The following TSPEAR variants were observed in gnomAD, a reference collection of about 807,000 sequenced individuals.
TSPEAR encodes thrombospondin type laminin G domain and EAR repeats, also known as thrombospondin-type laminin G domain and EAR repeat-containing protein.
In TSPEAR, 69 loss-of-function variants were observed where a neutral mutation model predicts 71.6. The ratio of observed to expected loss-of-function variants is 0.96; its 90% CI spans 0.79 to 1.18. TSPEAR has a LOEUF of 1.18. Among genes scored for constraint, TSPEAR ranks in the 50% most tolerant of loss-of-function variants. The pLI is 0.00. For synonymous variants in TSPEAR, 402 were observed against 387.2 expected (o/e 1.04, Z -0.45); for missense variants, 971 against 894.9 (o/e 1.09, Z -1.09).
Position 44,533,796 on chromosome 21 carries a change from C to A in TSPEAR, c.431G>T (p.Arg144Leu), listed in dbSNP as rs782321685. The A allele has an allele frequency of 6.2e-7, 1 of 1,612,456 alleles. No individual in the cohort carries two copies. The change falls in exon 3 of 12, where the codon CGA becomes CTA. Residue 144 changes from arginine to leucine, a missense_variant. Coordinates refer to ENST00000323084, the MANE Select transcript of TSPEAR (RefSeq NM_144991.3). ...CAGGGCCGGGCTGCGGAAGGACACT[C>A]GGGTCTGCCAGGCGCCGGCCGTGTC... ...REDTAGAWQT[R>L]VSFRSPALVD...
At chr21:44,569,861 G>C (rs1402115477) in intron 1 of TSPEAR, among the ~76,000 whole-genome samples, 2 of 152,092 alleles carry the variant, frequency 1.3e-5, no homozygotes, top group Non-Finnish European at 2.9e-5. Flanking sequence ...ATCTTGGTGT[G>C]GGGGGATTCT....
chr21:44,692,613 G>A (rs1987166501), intron 1 of TSPEAR, among the ~76,000 whole-genome samples: 1 of 152,044 alleles, frequency 6.6e-6, no homozygotes, highest in South Asian at 2.1e-4. Flanking sequence ...CATTTCAATG[G>A]CATCCAAAAG....
At chr21:44,514,510 C>T (rs2052496930) in intron 9 of TSPEAR, among the ~76,000 whole-genome samples, 1 of 152,168 alleles carries the variant, frequency 6.6e-6, no homozygotes, top group African/African-American at 2.4e-5. Context: ...TTGTGAGGAC[C>T]CCACATGCCG....
At chr21:44,551,566 T>TAG in intron 2 of TSPEAR, 2 of 1,453,772 alleles carry the variant, frequency 1.4e-6, no homozygotes, top group South Asian at 2.7e-5. Context: ...GGGGCTTTTA[T>TAG]ATGCCCAGGG....
At chr21:44,645,428 C>T (rs1984263969) in intron 1 of TSPEAR, among the ~76,000 whole-genome samples, 1 of 150,818 alleles carries the variant, frequency 6.6e-6, no homozygotes, top group Non-Finnish European at 1.5e-5. Flanking sequence ...GCAATCTCAG[C>T]TCACTGCAAC....
At chr21:44,518,665 G>C (rs946321650) in intron 9 of TSPEAR, 1 of 470,400 alleles carries the variant, frequency 2.1e-6, no homozygotes, top group Non-Finnish European at 4.4e-6. Flanking sequence ...CTGGAGGCCC[G>C]CCCCCTGCCC....
Position 44,646,654 on chromosome 21 carries a change from G to A in TSPEAR, c.82+64779C>T, listed in dbSNP as rs368146868. ...CTGCCAGGCGGCCTGTGAGCCCAGC[G>A]CCTGCCAATCAGGCTGCACCAGCTC... On this transcript the variant is annotated intron_variant, in intron 1 of 11. Coordinates refer to ENST00000323084, the MANE Select transcript of TSPEAR (RefSeq NM_144991.3). The A allele has an allele frequency of 1.2e-5, 19 of 1,613,510 alleles. No homozygotes were observed. In the Middle Eastern group the frequency reaches 5.2e-4, roughly 44 times the overall value.
At chr21:44,518,181 T>C in intron 9 of TSPEAR, 1 of 388,374 alleles carries the variant, frequency 2.6e-6, no homozygotes, top group Non-Finnish European at 5.2e-6. Flanking sequence ...AAGACAAGTA[T>C]AACTTAAAAA....
intron 1 of TSPEAR, among the ~76,000 whole-genome samples, chr21:44,587,124 G>A (rs1323271120): frequency 6.6e-6 from 1 of 152,106 alleles, no homozygotes; most frequent in Admixed American, 6.6e-5. Flanking sequence ...TGATATGATC[G>A]TACACCTAGA....
chr21:44,663,783 T>TA (rs1985617114), intron 1 of TSPEAR, among the ~76,000 whole-genome samples: 1 of 152,112 alleles, frequency 6.6e-6, no homozygotes, highest in East Asian at 1.9e-4. Flanking sequence ...ATGTGAGATT[T>TA]ATCCCAAGAA....
intron 1 of TSPEAR, among the ~76,000 whole-genome samples, chr21:44,633,863 ATTTC>A (rs1983392322): frequency 1.3e-5 from 2 of 151,688 alleles, no homozygotes; most frequent in Admixed American, 1.3e-4. Flanking sequence ...GGAATTGCCT[ATTTC>A]TTTCTTCTCT....
At position 44,711,425 on chromosome 21, in the gene TSPEAR, T is replaced by TG. The variant is rs782550602; in HGVS notation, c.82+7dup. The stretch of plus-strand genomic sequence containing the variant: ...ACCCCCGCCCGAGTTCCCATGCCCC[T>TG]GCCTTACCTGTGCAGGGCTCCCAAC... On this transcript the variant is annotated splice_region_variant and intron_variant, in intron 1 of 11. Transcript: ENST00000323084. This position sits in a 1 kb window ranked among gnomAD's most constrained non-coding sequence, Gnocchi z 4.5. 19 of 1,591,164 alleles carry TG rather than the reference T, an allele frequency of 1.2e-5. No individual in the cohort carries two copies. The highest frequency in any genetic ancestry group is 2.7e-5 in the African/African-American group (2 of 74,412).
intron 1 of TSPEAR, among the ~76,000 whole-genome samples, chr21:44,703,241 G>T (rs561426850): frequency 6.6e-6 from 1 of 152,168 alleles, no homozygotes; most frequent in Non-Finnish European, 1.5e-5. Context: ...CCCTAGAGAC[G>T]AGCCACGTCA....
intron 9 of TSPEAR, chr21:44,516,611 G>A (rs1555913477): frequency 1.3e-5 from 2 of 152,378 alleles, no homozygotes; most frequent in East Asian, 3.9e-4. Context: ...ATCAGGATCA[G>A]CTTCGTGTGG....
chr21:44,575,249 T>C, intron 1 of TSPEAR: 1 of 582,666 alleles, frequency 1.7e-6, no homozygotes, highest in Non-Finnish European at 3.1e-6. Context: ...ATCTCCCACC[T>C]CTCATGAGGG....
intron 11 of TSPEAR, among the ~76,000 whole-genome samples, chr21:44,501,541 G>A (rs1431045779): frequency 6.6e-6 from 1 of 152,174 alleles, no homozygotes; most frequent in Non-Finnish European, 1.5e-5. Context: ...AGCTTGCAGT[G>A]TGCCGAGACT....
chr21:44,654,849 G>A (rs587623421), intron 1 of TSPEAR, among the ~76,000 whole-genome samples: 891 of 34,896 alleles, frequency 0.026, 5 homozygotes, highest in South Asian at 0.038. Flanking sequence ...TCAGCAGACC[G>A]TGTGTTTCCT....
intron 1 of TSPEAR, among the ~76,000 whole-genome samples, chr21:44,685,525 C>T (rs1986815849): frequency 6.6e-6 from 1 of 152,106 alleles, no homozygotes; most frequent in Non-Finnish European, 1.5e-5. Flanking sequence ...ATGGGTCCTC[C>T]TGGGCTCCGT....
intron 1 of TSPEAR, chr21:44,637,720 GC>G: frequency 2.4e-6 from 3 of 1,237,902 alleles, no homozygotes; most frequent in Non-Finnish European, 3.3e-6. Flanking sequence ...TCTGCTGTGT[GC>G]CCGTCTGCTG....
Sources: allele counts gnomAD v4.1 joint callset (sites outside exome capture counted in the v4.1 genomes callset), GRCh38; gene constraint gnomAD v4.1.1; non-coding constraint Gnocchi (gnomAD v3.1); transcripts MANE v1.5; gene names NCBI Gene and HGNC (gene_info 2026-07-23, HGNC 2026-07-21).